SLC1A1: variants seen among roughly 807,000 people sequenced by gnomAD.
SLC1A1 encodes excitatory amino acid transporter 3.
SLC1A1 carries 43 observed loss-of-function variants against 53.3 expected under a neutral mutation model. That is an observed-to-expected ratio of 0.81 (90% confidence interval 0.63 to 1.04). SLC1A1 has a LOEUF of 1.04. Among genes scored for constraint, SLC1A1 ranks in the 50% least tolerant of loss-of-function variants. The pLI, the probability that SLC1A1 is intolerant of heterozygous loss-of-function variation, is 0.00. For synonymous variants in SLC1A1, 307 were observed against 243.2 expected (o/e 1.26, Z -2.44); for missense variants, 748 against 664.9 (o/e 1.12, Z -1.37).
At chr9:4,515,535 A>G (rs927483980) in intron 1 of SLC1A1, among the ~76,000 whole-genome samples, 1 of 152,206 alleles carries the variant, frequency 6.6e-6, no homozygotes, top group Non-Finnish European at 1.5e-5. Context: ...AATGGAAGCT[A>G]TAAAAACAGA....
chr9:4,566,028 C>A lies in SLC1A1; in HGVS notation c.441-19C>A. 1 of 1,603,344 alleles carries A rather than the reference C, an allele frequency of 6.2e-7. No homozygotes were observed. The highest frequency in any genetic ancestry group is 1.3e-5 in the African/African-American group (1 of 74,712). On this transcript the variant is annotated intron_variant, in intron 4 of 11. Coordinates refer to ENST00000262352, the MANE Select transcript of SLC1A1 (RefSeq NM_004170.6). ...TACTTTTTGCCCTAACATAATACTG[C>A]CTTTTATGTCTCCAACAGGAATATG...
chr9:4,565,610 C>G (rs766131981), intron 4 of SLC1A1, among the ~76,000 whole-genome samples: 1 of 152,162 alleles, frequency 6.6e-6, no homozygotes, highest in African/African-American at 2.4e-5. Flanking sequence ...GGAGAAACCA[C>G]CCCCCATGAT....
intron 10 of SLC1A1, among the ~76,000 whole-genome samples, chr9:4,581,612 G>A (rs185187766): frequency 2.6e-4 from 40 of 152,312 alleles, no homozygotes; most frequent in Admixed American, 2.6e-3. Context: ...AAGAAAACCT[G>A]TTGATGCATT....
chr9:4,532,407 G>C (rs369539607), intron 1 of SLC1A1, among the ~76,000 whole-genome samples: 1 of 152,088 alleles, frequency 6.6e-6, no homozygotes, highest in Non-Finnish European at 1.5e-5. Context: ...CGAGAACTAC[G>C]TGACAAATGC....
chr9:4,564,784 G>A (rs1819321610), intron 4 of SLC1A1, among the ~76,000 whole-genome samples: 1 of 152,118 alleles, frequency 6.6e-6, no homozygotes, highest in Admixed American at 6.6e-5. Context: ...TAATTGTACA[G>A]GAGAAACTCT....
Position 4,585,583 on chromosome 9 carries a change from A to G in SLC1A1, c.*25A>G. 1 of 1,614,186 alleles carries G rather than the reference A, an allele frequency of 6.2e-7. No homozygotes were observed. The highest frequency in any genetic ancestry group is 8.5e-7 in the Non-Finnish European group (1 of 1,180,002). ...GGGCCCCTGGCTGCAGATGACTGGA[A>G]ACAAGGAAGGACATTTCCGTGAGAG... On this transcript the variant is annotated 3_prime_UTR_variant, in exon 12 of 12. Coordinates refer to ENST00000262352, the MANE Select transcript of SLC1A1 (RefSeq NM_004170.6).
intron 1 of SLC1A1, among the ~76,000 whole-genome samples, chr9:4,507,637 A>G (rs930465640): frequency 1.3e-5 from 2 of 152,184 alleles, no homozygotes; most frequent in African/African-American, 4.8e-5. Context: ...AGAGCATTCA[A>G]GATGACACAA....
At chr9:4,530,531 T>C (rs1175615758) in intron 1 of SLC1A1, among the ~76,000 whole-genome samples, 2 of 152,128 alleles carry the variant, frequency 1.3e-5, no homozygotes, top group Admixed American at 1.3e-4. Flanking sequence ...AGAAACCCAT[T>C]AGACCTTTAC....
chr9:4,564,145 C>T (rs990037710), intron 3 of SLC1A1, among the ~76,000 whole-genome samples, 199 bp from the exon 4 acceptor site: 7 of 152,166 alleles, frequency 4.6e-5, no homozygotes, highest in African/African-American at 1.7e-4. Flanking sequence ...GGAGTTCTTT[C>T]TGCTTACTCA....
In SLC1A1 at chr9:4,586,533, C is replaced by T. The variant is rs1821586750; in HGVS notation, c.*975C>T. The T allele has an allele frequency of 6.6e-6, 1 of 152,168 alleles. No homozygotes were observed. Among genetic ancestry groups the T allele is most frequent in the Admixed American group, 6.5e-5 (1 of 15,272 alleles). The allele number at this position is 152,168 out of a possible 1,614,324, so 9.4% of individuals were successfully genotyped here. ...CTGGAGGGAATCCATATCAGCTCTG[C>T]ATAAGATTATATACAAAGCTGTCAC... On this transcript the variant is annotated 3_prime_UTR_variant, in exon 12 of 12. Coordinates refer to ENST00000262352, the MANE Select transcript of SLC1A1 (RefSeq NM_004170.6).
intron 1 of SLC1A1, among the ~76,000 whole-genome samples, chr9:4,541,868 C>T (rs1319139862): frequency 6.6e-6 from 1 of 152,160 alleles, no homozygotes; most frequent in African/African-American, 2.4e-5. Context: ...CTCCATAATT[C>T]TTAATCCAGC....
At chr9:4,540,740 C>A (rs1816935376) in intron 1 of SLC1A1, among the ~76,000 whole-genome samples, 1 of 152,220 alleles carries the variant, frequency 6.6e-6, no homozygotes, top group Admixed American at 6.5e-5. Context: ...CACCCGTGCA[C>A]TGCAGTTCCC....
At chr9:4,580,306 C>T (rs989025575) in intron 10 of SLC1A1, among the ~76,000 whole-genome samples, 5 of 151,916 alleles carry the variant, frequency 3.3e-5, no homozygotes, top group African/African-American at 7.3e-5. Context: ...TACAGCAGGG[C>T]GCAGAGGCTC....
At chr9:4,552,301 G>A (rs1817999166) in intron 2 of SLC1A1, among the ~76,000 whole-genome samples, 1 of 152,184 alleles carries the variant, frequency 6.6e-6, no homozygotes, top group Admixed American at 6.5e-5. Flanking sequence ...TGTGTGATAA[G>A]CACTTTCTGG....
chr9:4,581,890 T>C (rs114019065), intron 10 of SLC1A1, among the ~76,000 whole-genome samples: 1 of 152,226 alleles, frequency 6.6e-6, no homozygotes, highest in African/African-American at 2.4e-5. Context: ...AGTAGGCAGA[T>C]GAATGGGCAG....
intron 7 of SLC1A1, among the ~76,000 whole-genome samples, chr9:4,573,526 C>T (rs148697720): frequency 1.1e-4 from 16 of 152,074 alleles, no homozygotes; most frequent in African/African-American, 2.9e-4. Context: ...AACAGATGAC[C>T]GTGGCTAGAA....
At chr9:4,515,542 C>G (rs1025109143) in intron 1 of SLC1A1, among the ~76,000 whole-genome samples, 5 of 152,138 alleles carry the variant, frequency 3.3e-5, no homozygotes, top group African/African-American at 1.2e-4. Flanking sequence ...GCTATAAAAA[C>G]AGATGGGATC....
chr9:4,513,557 G>T (rs1439183204), intron 1 of SLC1A1, among the ~76,000 whole-genome samples: 1 of 152,164 alleles, frequency 6.6e-6, no homozygotes, highest in Non-Finnish European at 1.5e-5. Context: ...ACCAAGTGCT[G>T]ATGAGGATGT....
At chr9:4,576,156 C>T in intron 9 of SLC1A1, 33 bp downstream of exon 9, 1 of 1,606,074 alleles carries the variant, frequency 6.2e-7, no homozygotes, top group Non-Finnish European at 8.5e-7. Flanking sequence ...GAAGAAGCCT[C>T]CAGGCTCAAC....
Sources: allele counts gnomAD v4.1 joint callset (sites outside exome capture counted in the v4.1 genomes callset), GRCh38; gene constraint gnomAD v4.1.1; transcripts MANE v1.5; gene names NCBI Gene and HGNC (gene_info 2026-07-23, HGNC 2026-07-21).